The following CENPO variants were observed in gnomAD, a reference collection of about 807,000 sequenced individuals.
CENPO encodes the protein centromeric protein O.
CENPO carries 30 observed loss-of-function variants against 36.1 expected under a neutral mutation model. The ratio of observed to expected loss-of-function variants is 0.83; its 90% CI spans 0.62 to 1.13. The LOEUF (loss-of-function observed/expected upper bound fraction) is 1.13. Ranked by LOEUF, CENPO falls within the 50% of genes most tolerant of loss-of-function variation. The pLI, the probability that CENPO is intolerant of heterozygous loss-of-function variation, is 0.00. For synonymous variants in CENPO, 171 were observed against 142.3 expected, an observed-to-expected ratio of 1.20 and a Z score of -1.44; for missense variants, 349 against 357.8, an observed-to-expected ratio of 0.98 and a Z score of 0.20.
At chr2:24,799,351 A>T (rs886691591) in intron 2 of CENPO, among the ~76,000 whole-genome samples, 1 of 152,074 alleles carries the variant, frequency 6.6e-6, no homozygotes, top group Admixed American at 6.6e-5. Context: ...TCCTTTACAC[A>T]CTAGAGATGT....
Position 24,821,395 on chromosome 2 carries a change from G to A in CENPO, c.*2077G>A. On this transcript the variant is annotated 3_prime_UTR_variant, in exon 8 of 8. Transcript: ENST00000380834. Reference sequence around the variant, plus strand: ...TTTCAGGTCTCCTTGCCCTGTGAGTGCGTGAACCTCCCCACCCGAATTGCC... The same window carrying A: ...TTTCAGGTCTCCTTGCCCTGTGAGTACGTGAACCTCCCCACCCGAATTGCC... 7.1e-7 allele frequency: 1 copy of A among 1,410,588 alleles called. No individual in the cohort carries two copies. The highest frequency in any genetic ancestry group is 9.6e-7 in the Non-Finnish European group (1 of 1,038,312). The allele number at this position is 1,410,588 out of a possible 1,614,324, so 87.4% of individuals were successfully genotyped here.
chr2:24,812,069 A>G (rs1572740121), intron 3 of CENPO, among the ~76,000 whole-genome samples: 1 of 152,318 alleles, frequency 6.6e-6, no homozygotes, highest in African/African-American at 2.4e-5. Context: ...CTTTCAGTTA[A>G]GTAGCTCCTT....
rs370268927 is a variant in CENPO at position 24,812,757 on chromosome 2, T to C, written c.217-1619T>C. On this transcript the variant is annotated intron_variant, in intron 3 of 7. Coordinates refer to ENST00000380834, the MANE Select transcript of CENPO (RefSeq NM_001322101.2). ...CATTCTTTTCTGTATAGATTCCAGC[T>C]CTTTGGTCTGGGTTTCCATCTTTTA... is the stretch of plus-strand genomic sequence containing the variant. Among the ~76,000 whole-genome samples the C allele has an allele frequency of 2.0e-3, 301 of 152,256 alleles. 2 individuals carry two copies. The highest frequency in any genetic ancestry group is 6.9e-3 in the African/African-American group (287 of 41,552).
chr2:24,806,738 C>A (rs1202253429), intron 3 of CENPO, among the ~76,000 whole-genome samples: 2 of 152,142 alleles, frequency 1.3e-5, no homozygotes, highest in African/African-American at 2.4e-5. Context: ...CTTAAAGTGG[C>A]CTGCCTTGAG....
intron 4 of CENPO, 165 bp downstream of exon 4, chr2:24,814,658 C>G (rs188021025): frequency 6.7e-6 from 4 of 599,062 alleles, no homozygotes; most frequent in South Asian, 5.7e-5. Flanking sequence ...ACACAGCTGA[C>G]GTGCTATTTG....
intron 3 of CENPO, among the ~76,000 whole-genome samples, chr2:24,802,813 G>C (rs1666217533): frequency 6.6e-6 from 1 of 152,134 alleles, no homozygotes; most frequent in African/African-American, 2.4e-5. Flanking sequence ...TCTCTGCCAG[G>C]CTTTGGTATC....
intron 2 of CENPO, among the ~76,000 whole-genome samples, chr2:24,797,345 G>A (rs904322119): frequency 2.0e-5 from 3 of 152,188 alleles, no homozygotes; most frequent in African/African-American, 7.2e-5. Context: ...TCAGGTTCCT[G>A]TAAGTCTTCC....
intron 2 of CENPO, among the ~76,000 whole-genome samples, chr2:24,796,720 C>T (rs978446088): frequency 2.0e-5 from 3 of 152,126 alleles, no homozygotes; most frequent in Non-Finnish European, 2.9e-5. Context: ...TGAGCTGGCA[C>T]CTGACCTTGT....
In CENPO at chr2:24,793,958, C is replaced by T. The variant is rs1558365678; in HGVS notation, c.39C>T (p.Ser13=). The change falls in exon 2 of 8, where the codon TCC becomes TCT. Residue 13 remains serine, a synonymous_variant. Coordinates refer to ENST00000380834, the MANE Select transcript of CENPO (RefSeq NM_001322101.2). The part of the protein sequence containing the change: ...QANPLRPDGE[S]KGGVLAHLER... ...ACCCTTTACGTCCAGATGGCGAGTC[C>T]AAAGGAGGTATTCAGAGGGTCGCCG... 2 of 1,612,928 alleles carry T rather than the reference C, an allele frequency of 1.2e-6. No homozygotes were observed. Among genetic ancestry groups the T allele is most frequent in the South Asian group, 1.1e-5 (1 of 91,064 alleles).
chr2:24,793,952 C>T lies in CENPO; in HGVS notation c.33C>T (p.Gly11=). The change falls in exon 2 of 8, where the codon GGC becomes GGT. Residue 11 remains glycine, a synonymous_variant. Coordinates refer to ENST00000380834, the MANE Select transcript of CENPO (RefSeq NM_001322101.2). MEQANPLRPD[G]ESKGGVLAHL... Reference sequence around the variant, plus strand: ...AGGCGAACCCTTTACGTCCAGATGGCGAGTCCAAAGGAGGTATTCAGAGGG... The same window carrying T: ...AGGCGAACCCTTTACGTCCAGATGGTGAGTCCAAAGGAGGTATTCAGAGGG... The T allele has an allele frequency of 6.2e-7, 1 of 1,613,804 alleles. No individual in the cohort carries two copies. Among genetic ancestry groups the T allele is most frequent in the African/African-American group, 1.3e-5 (1 of 75,032 alleles).
At chr2:24,809,922 C>T (rs899204366) in intron 3 of CENPO, among the ~76,000 whole-genome samples, 1 of 151,956 alleles carries the variant, frequency 6.6e-6, no homozygotes, top group Non-Finnish European at 1.5e-5. Flanking sequence ...GTGGCACATA[C>T]CTGTAATCCC....
intron 3 of CENPO, among the ~76,000 whole-genome samples, chr2:24,808,299 C>G (rs1666516934): frequency 1.3e-5 from 2 of 152,198 alleles, no homozygotes; most frequent in Admixed American, 1.3e-4. Context: ...CCCTCCACCT[C>G]CTGGGTTCAA....
rs1265053980 is a variant in CENPO, at chr2:24,814,365, A to C, written c.217-11A>C. The C allele has an allele frequency of 3.8e-6, 5 of 1,302,760 alleles. No individual in the cohort carries two copies. Among genetic ancestry groups the C allele is most frequent in the Middle Eastern group, 1.8e-4 (1 of 5,486 alleles). The allele number at this position is 1,302,760 out of a possible 1,614,324, so 80.7% of individuals were successfully genotyped here. The stretch of plus-strand genomic sequence containing the variant: ...CTTTGTACCAAGATTGATTTGCTGC[A>C]TATCTTGCAGGTGAAAGCATGTATT... On this transcript the variant is annotated splice_polypyrimidine_tract_variant and intron_variant, in intron 3 of 7. Transcript: ENST00000380834.
At chr2:24,816,510 T>C in intron 5 of CENPO, 136 bp from the exon 6 acceptor site, 4 of 666,116 alleles carry the variant, frequency 6.0e-6, no homozygotes, top group Middle Eastern at 4.4e-4. Flanking sequence ...TTTTCAGACC[T>C]TTTTCTGTCC....
In CENPO at chr2:24,822,286, T is replaced by C; in HGVS notation, c.*2968T>C. 1 of 530,830 alleles carries C rather than the reference T, an allele frequency of 1.9e-6. No individual in the cohort carries two copies. Among genetic ancestry groups the C allele is most frequent in the Non-Finnish European group, 3.2e-6 (1 of 309,486 alleles). 32.9% of individuals were successfully genotyped at this position (530,830 alleles called of 1,614,324 possible). A position where few individuals can be genotyped will look rare whatever the true frequency, so the allele number is the denominator to read the frequency against. On this transcript the variant is annotated 3_prime_UTR_variant, in exon 8 of 8. Coordinates refer to ENST00000380834, the MANE Select transcript of CENPO (RefSeq NM_001322101.2). The stretch of plus-strand genomic sequence containing the variant: ...GCCTGGCCACAGAACACAACCATCT[T>C]AGGCCTGAGCTGTGAACAGCAGGGG...
In CENPO at chr2:24,820,276, A is replaced by G; in HGVS notation, c.*958A>G. The G allele has an allele frequency of 1.6e-6, 2 of 1,224,714 alleles. No homozygotes were observed. The highest frequency in any genetic ancestry group is 2.1e-6 in the Non-Finnish European group (2 of 938,372). 75.9% of individuals were successfully genotyped at this position (1,224,714 alleles called of 1,614,324 possible). The stretch of plus-strand genomic sequence containing the variant: ...GGGCCAAGCCCTTCCACCCGTGGCG[A>G]GCAGCGGGTGGGAAGGAGAACCCTG... On this transcript the variant is annotated 3_prime_UTR_variant, in exon 8 of 8. Transcript: ENST00000380834.
At chr2:24,816,916 CT>C in intron 6 of CENPO, 99 bp downstream of exon 6, 1 of 1,174,756 alleles carries the variant, frequency 8.5e-7, no homozygotes, top group Admixed American at 2.4e-5. Context: ...TCTTGAGACA[CT>C]TTCTCTGTTT....
chr2:24,817,532 G>A, intron 6 of CENPO, 138 bp from the exon 7 acceptor site: 1 of 1,098,082 alleles, frequency 9.1e-7, no homozygotes, highest in Non-Finnish European at 1.3e-6. Flanking sequence ...GATTCCCCCA[G>A]CTGCACTGAG....
rs530191076 is a variant in CENPO, at chr2:24,798,493, G to A, written c.47-1182G>A. 4.6e-5 allele frequency among the ~76,000 whole-genome samples: 7 copies of A among 151,858 alleles called. No individual in the cohort carries two copies. In the East Asian group the frequency reaches 1.2e-3, roughly 25 times the overall value. ...ACAAATTTTTTTTTTTTGAGACGGA[G>A]TCTGTCACCTAGGCTGGAGTGCAGT... On this transcript the variant is annotated intron_variant, in intron 2 of 7. Coordinates refer to ENST00000380834, the MANE Select transcript of CENPO (RefSeq NM_001322101.2).
Sources: allele counts gnomAD v4.1 joint callset (sites outside exome capture counted in the v4.1 genomes callset), GRCh38; gene constraint gnomAD v4.1.1; transcripts MANE v1.5; gene names NCBI Gene and HGNC (gene_info 2026-07-23, HGNC 2026-07-21).